Variants in PTPRN2 observed in about 807,000 individuals in gnomAD.
PTPRN2 encodes receptor-type tyrosine-protein phosphatase N2.
Under a neutral mutation model 118.8 loss-of-function variants are expected in PTPRN2, and 74 were observed. The ratio of observed to expected loss-of-function variants is 0.62; its 90% CI spans 0.52 to 0.76. The LOEUF (loss-of-function observed/expected upper bound fraction) is 0.76. Ranked by LOEUF, PTPRN2 falls within the 30% of genes least tolerant of loss-of-function variation. PTPRN2 has a pLI of 0.00. For synonymous variants in PTPRN2, 641 were observed against 608.0 expected (o/e 1.05, Z -0.80); for missense variants, 1,481 against 1,394.4 (o/e 1.06, Z -0.99).
chr7:157,567,236 A>G (rs928268434), intron 21 of PTPRN2, among the ~76,000 whole-genome samples: 1 of 152,266 alleles, frequency 6.6e-6, no homozygotes, highest in African/African-American at 2.4e-5. Flanking sequence ...GGATTGTGTC[A>G]TGTCCAAAAC....
At position 157,909,693 on chromosome 7, in the gene PTPRN2, C is replaced by T. The variant is rs138283644; in HGVS notation, c.1724-10956G>A. Among the ~76,000 whole-genome samples the T allele has an allele frequency of 7.1e-4, 108 of 152,362 alleles. 3 individuals carry two copies. The East Asian group carries it at 0.019, about 27-fold the overall frequency. On this transcript the variant is annotated intron_variant, in intron 11 of 22. Transcript: ENST00000389418. ...CCTCCTGTTCTCACCCAACATCGGG[C>T]CCTCATCCCATCACCTGTCTGTGCC... is the stretch of plus-strand genomic sequence containing the variant.
intron 9 of PTPRN2, among the ~76,000 whole-genome samples, chr7:158,125,228 G>T (rs1355108521): frequency 7.7e-6 from 1 of 130,290 alleles, no homozygotes; most frequent in African/African-American, 2.9e-5. Flanking sequence ...TCCCAGGGCT[G>T]CCCCCCTGTC....
At position 157,871,801 on chromosome 7, in the gene PTPRN2, C is replaced by A. The variant is rs1584919996; in HGVS notation, c.1788+26872G>T. Reference sequence around the variant, plus strand: ...CACAGACCCCTAAATACCTACACACCCACACACCCACAAAAATGCACACAC... The same window carrying A: ...CACAGACCCCTAAATACCTACACACACACACACCCACAAAAATGCACACAC... On this transcript the variant is annotated intron_variant, in intron 12 of 22. Coordinates refer to ENST00000389418, the MANE Select transcript of PTPRN2 (RefSeq NM_002847.5). 2.0e-5 allele frequency among the ~76,000 whole-genome samples: 3 copies of A among 151,132 alleles called. No individual in the cohort carries two copies. The East Asian group carries it at 5.9e-4, about 30-fold the overall frequency.
intron 11 of PTPRN2, among the ~76,000 whole-genome samples, chr7:157,979,912 C>G (rs914874090): frequency 6.6e-6 from 1 of 152,216 alleles, no homozygotes; most frequent in African/African-American, 2.4e-5. Flanking sequence ...GACTGGGCAG[C>G]TGGGGGATCT....
At chr7:158,190,006 G>A (rs188870764) in intron 5 of PTPRN2, among the ~76,000 whole-genome samples, 24 of 152,342 alleles carry the variant, frequency 1.6e-4, no homozygotes, top group Middle Eastern at 3.4e-3. Context: ...GTGTCCTGGC[G>A]CCCTCTGATT....
intron 12 of PTPRN2, among the ~76,000 whole-genome samples, chr7:157,713,107 A>G (rs958822635): frequency 3.3e-5 from 5 of 152,194 alleles, no homozygotes; most frequent in Non-Finnish European, 7.3e-5. Flanking sequence ...AACACAGTGG[A>G]CTCACACTGG....
intron 2 of PTPRN2, among the ~76,000 whole-genome samples, chr7:158,412,834 G>A (rs1239491887): frequency 3.1e-5 from 3 of 95,356 alleles, no homozygotes; most frequent in Non-Finnish European, 2.1e-5. Context: ...CAGCTCCAGG[G>A]CCCATCCAGT....
chr7:158,556,994 G>A (rs1275516791), intron 1 of PTPRN2, among the ~76,000 whole-genome samples: 14 of 128,912 alleles, frequency 1.1e-4, no homozygotes, highest in Non-Finnish European at 1.5e-4. Context: ...CGGCTCCCAC[G>A]CAGGTCGCTC....
At chr7:158,507,329 TGC>T (rs1193999917) in intron 1 of PTPRN2, among the ~76,000 whole-genome samples, 4 of 149,346 alleles carry the variant, frequency 2.7e-5, no homozygotes, top group East Asian at 2.0e-4. Flanking sequence ...GGGATAGCCC[TGC>T]GCTGGGCAGG....
chr7:158,244,750 T>C (rs1274530851), intron 3 of PTPRN2, among the ~76,000 whole-genome samples: 2 of 151,764 alleles, frequency 1.3e-5, no homozygotes, highest in East Asian at 3.9e-4. Flanking sequence ...GTGAGTTGTG[T>C]GGTTAGCGTC....
intron 2 of PTPRN2, among the ~76,000 whole-genome samples, chr7:158,447,811 C>T (rs1047022440): frequency 8.5e-5 from 13 of 152,240 alleles, no homozygotes; most frequent in Admixed American, 7.9e-4. Flanking sequence ...CCAGCAGAGC[C>T]GAGAGCGGGG....
At position 157,674,201 on chromosome 7, in the gene PTPRN2, A is replaced by G. The variant is rs1796549390; in HGVS notation, c.2001+8524T>C. On this transcript the variant is annotated intron_variant, in intron 13 of 22. Transcript: ENST00000389418. The surrounding 1 kb of genome is among the most constrained non-coding windows in gnomAD (Gnocchi z 4.5). ...AAGGAGGAGGCGGGGCTCACAGAGC[A>G]GAGAGCCATGGAGAGCTCCGGGCCG... 6.6e-6 allele frequency among the ~76,000 whole-genome samples: 1 copy of G among 152,162 alleles called. No homozygotes were observed. The highest frequency in any genetic ancestry group is 1.5e-5 in the Non-Finnish European group (1 of 68,024).
At chr7:158,503,935 A>G (rs1319941297) in intron 1 of PTPRN2, among the ~76,000 whole-genome samples, 2 of 151,400 alleles carry the variant, frequency 1.3e-5, no homozygotes, top group African/African-American at 4.9e-5. Flanking sequence ...CGGGAGTCGG[A>G]GGTTGCAGTG....
At position 157,568,978 on chromosome 7, in the gene PTPRN2, A is replaced by C. The variant is rs1422794183; in HGVS notation, c.2838-12T>G. 17 of 1,553,172 alleles carry C rather than the reference A, an allele frequency of 1.1e-5. No homozygotes were observed. Among genetic ancestry groups the C allele is most frequent in the Non-Finnish European group, 1.4e-5 (16 of 1,125,304 alleles). ...GGCCTGCACCGTCACTGCCAACAGA[A>C]GGAGAGAAATGAAAGTGCTGCCGTC... On this transcript the variant is annotated splice_polypyrimidine_tract_variant and intron_variant, in intron 20 of 22. Transcript: ENST00000389418.
At chr7:158,158,505 G>A (rs1164716967) in intron 6 of PTPRN2, among the ~76,000 whole-genome samples, 1 of 151,838 alleles carries the variant, frequency 6.6e-6, no homozygotes, top group East Asian at 1.9e-4. Flanking sequence ...CATGTGATTG[G>A]CCAGGACTTC....
intron 1 of PTPRN2, among the ~76,000 whole-genome samples, chr7:158,505,482 C>T (rs1253120578): frequency 6.6e-6 from 1 of 152,174 alleles, no homozygotes; most frequent in Non-Finnish European, 1.5e-5. Context: ...TGTCCAAGTC[C>T]CCCGTTCACT....
At chr7:157,885,849 T>G (rs1215640600) in intron 12 of PTPRN2, among the ~76,000 whole-genome samples, 3 of 152,210 alleles carry the variant, frequency 2.0e-5, no homozygotes, top group Admixed American at 1.3e-4. Flanking sequence ...GCCATGTCAC[T>G]TCTCCTGCCT....
intron 1 of PTPRN2, among the ~76,000 whole-genome samples, chr7:158,490,261 C>A (rs10255122): frequency 1.3e-5 from 2 of 152,248 alleles, no homozygotes; most frequent in Admixed American, 6.5e-5. Flanking sequence ...GGAAGCAAAC[C>A]GTGGCGTCCG....
chr7:158,288,164 G>T lies in PTPRN2; in HGVS notation c.277+28655C>A, dbSNP rs578111249. On this transcript the variant is annotated intron_variant, in intron 3 of 22. Coordinates refer to ENST00000389418, the MANE Select transcript of PTPRN2 (RefSeq NM_002847.5). ...CATGAAATATCTTTTTCATCCCTTC[G>T]CTTTCAGTCTATGTCCTTAAAAGTG... Among the ~76,000 whole-genome samples, 22 of 151,942 alleles carry T rather than the reference G, an allele frequency of 1.4e-4. No individual in the cohort carries two copies. The South Asian group carries it at 2.5e-3, about 17-fold the overall frequency.
Sources: gnomAD v4.1 joint callset for allele counts (sites outside exome capture counted in the v4.1 genomes callset) on GRCh38, gnomAD v4.1.1 for gene constraint, Gnocchi (gnomAD v3.1) non-coding constraint, MANE v1.5 for transcripts, NCBI Gene and HGNC (gene_info 2026-07-23, HGNC 2026-07-21) for gene names.